Variants in TNS1 observed in about 807,000 individuals in gnomAD.
TNS1 encodes the protein tensin 1.
Under a neutral mutation model 168.6 loss-of-function variants are expected in TNS1, and 62 were observed. The observed-to-expected ratio is 0.37, with a 90% CI of 0.30 to 0.45. The LOEUF (loss-of-function observed/expected upper bound fraction) is 0.45, where lower values mean the gene tolerates loss of function less well. Among genes scored for constraint, TNS1 ranks in the 20% least tolerant of loss-of-function variants. The pLI is 1.00. For missense variants in TNS1, 2,240 were observed against 2,339.4 expected (o/e 0.96, Z 0.88); for synonymous variants, 934 against 933.2 (o/e 1.00, Z -0.02).
intron 2 of TNS1, among the ~76,000 whole-genome samples, chr2:217,989,483 T>C (rs1958294845): frequency 6.7e-6 from 1 of 150,366 alleles, no homozygotes; most frequent in Admixed American, 6.6e-5. Context: ...GACGTGGGGG[T>C]GAAGGAGAGG....
intron 3 of TNS1, among the ~76,000 whole-genome samples, chr2:217,946,516 C>T (rs560203596): frequency 6.6e-6 from 1 of 152,336 alleles, no homozygotes; most frequent in South Asian, 2.1e-4. Flanking sequence ...ATGCTTAATA[C>T]AGCACTAGGC....
chr2:218,019,336 C>T (rs928314105), intron 1 of TNS1, among the ~76,000 whole-genome samples: 3 of 152,192 alleles, frequency 2.0e-5, no homozygotes, highest in Admixed American at 2.0e-4. Flanking sequence ...TGCTGACATG[C>T]AAACTGGATG....
At chr2:217,909,227 C>T (rs56703203) in intron 4 of TNS1, among the ~76,000 whole-genome samples, 10,405 of 152,122 alleles carry the variant, frequency 0.068, 797 homozygotes, top group African/African-American at 0.2. Flanking sequence ...CCAGCTGCCT[C>T]GTCTCAGAGC....
intron 18 of TNS1, among the ~76,000 whole-genome samples, chr2:217,863,606 A>G (rs1297471006): frequency 6.6e-6 from 1 of 152,160 alleles, no homozygotes; most frequent in Non-Finnish European, 1.5e-5. Context: ...TTTCAACCCC[A>G]TCTGGGCCAC....
intron 6 of TNS1, chr2:217,902,045 C>G (rs886892088): frequency 6.6e-6 from 1 of 152,124 alleles, no homozygotes; most frequent in African/African-American, 2.4e-5. Flanking sequence ...CTCTTCTGGC[C>G]CTGAGGACTC....
intron 30 of TNS1, among the ~76,000 whole-genome samples, chr2:217,809,228 G>GTGC (rs1939943573): frequency 1.4e-5 from 1 of 73,636 alleles, no homozygotes; most frequent in Non-Finnish European, 2.8e-5. Context: ...TGGATGGATG[G>GTGC]ATGGATGGAT....
rs536029294 is a variant in TNS1, at chr2:217,830,269, G to A, written c.3373+1186C>T. The A allele has an allele frequency of 3.9e-5, 58 of 1,490,210 alleles. 1 individual carries two copies. The highest frequency in any genetic ancestry group is 2.1e-4 in the South Asian group (18 of 83,996). The allele number at this position is 1,490,210 out of a possible 1,614,324, so 92.3% of individuals were successfully genotyped here. ...CCCAGCCCCCTTCTACTGATCCCCC[G>A]TGGCTCAGTGTCCCTGGCCATGCCG... On this transcript the variant is annotated intron_variant, in intron 22 of 32. Coordinates refer to ENST00000682258, the MANE Select transcript of TNS1 (RefSeq NM_001387777.1).
intron 3 of TNS1, among the ~76,000 whole-genome samples, chr2:217,959,800 G>A (rs562897276): frequency 1.3e-5 from 2 of 152,130 alleles, no homozygotes; most frequent in East Asian, 3.9e-4. Context: ...CACAGAGGCA[G>A]CTGGACGCCT....
chr2:217,968,098 A>T (rs1051122586), intron 3 of TNS1, among the ~76,000 whole-genome samples: 8 of 152,228 alleles, frequency 5.3e-5, no homozygotes, highest in Non-Finnish European at 1.0e-4. Context: ...ACACCATTTC[A>T]TGATTTCAAA....
At chr2:217,884,477 CT>C (rs1951003721) in intron 16 of TNS1, among the ~76,000 whole-genome samples, 1 of 152,098 alleles carries the variant, frequency 6.6e-6, no homozygotes, top group Admixed American at 6.5e-5. Context: ...AACACCAAAC[CT>C]TTCCCAACCA....
chr2:217,858,326 G>A (rs1351997890), intron 18 of TNS1, among the ~76,000 whole-genome samples: 1 of 152,058 alleles, frequency 6.6e-6, no homozygotes, highest in Non-Finnish European at 1.5e-5. Context: ...CAGCAGCACA[G>A]CGGGCCACAG....
intron 19 of TNS1, among the ~76,000 whole-genome samples, chr2:217,837,316 G>A (rs1227154392): frequency 2.6e-5 from 4 of 152,204 alleles, no homozygotes; most frequent in Non-Finnish European, 5.9e-5. Flanking sequence ...CATCCACAGT[G>A]AGGACTGCAT....
chr2:217,937,548 G>A (rs1040540747), intron 3 of TNS1, among the ~76,000 whole-genome samples: 26 of 152,082 alleles, frequency 1.7e-4, no homozygotes, highest in Non-Finnish European at 2.9e-4. Flanking sequence ...CGGTGATTAG[G>A]GCCCTAATCA....
chr2:218,005,909 C>A (rs1279136410), upstream of TNS1, among the ~76,000 whole-genome samples: 2 of 152,214 alleles, frequency 1.3e-5, no homozygotes, highest in African/African-American at 4.8e-5. Flanking sequence ...CAAGCTCTAG[C>A]CAGCTGCAGA....
chr2:217,858,671 T>TACACACACACACACACACACACACACAC (rs60953913), intron 18 of TNS1: 18 of 149,168 alleles, frequency 1.2e-4, no homozygotes, highest in African/African-American at 6.3e-4. Context: ...CCTGCCCATG[T>TACACACACACACACACACACACACACAC]ACACACACAC....
chr2:218,009,143 C>T (rs1958684017), intron 1 of TNS1, among the ~76,000 whole-genome samples: 1 of 152,196 alleles, frequency 6.6e-6, no homozygotes, highest in African/African-American at 2.4e-5. Flanking sequence ...ACTTCCCCCT[C>T]CCGTGTGACA....
chr2:217,841,849 T>C (rs895667051), intron 19 of TNS1, among the ~76,000 whole-genome samples: 4 of 152,192 alleles, frequency 2.6e-5, no homozygotes, highest in Admixed American at 6.5e-5. Context: ...GGGGAACCCC[T>C]TGTGCTTTTC....
intron 3 of TNS1, among the ~76,000 whole-genome samples, chr2:217,950,474 C>T (rs1367731369): frequency 6.6e-6 from 1 of 152,076 alleles, no homozygotes; most frequent in Non-Finnish European, 1.5e-5. Flanking sequence ...AGCGTGCTGG[C>T]CACACCCCGA....
At chr2:217,876,775 G>A (rs1950240910) in intron 18 of TNS1, among the ~76,000 whole-genome samples, 3 of 152,120 alleles carry the variant, frequency 2.0e-5, no homozygotes, top group South Asian at 4.1e-4. Flanking sequence ...CAAGCAGGGG[G>A]AAGATGATGT....
Sources: gnomAD v4.1 joint callset for allele counts (sites outside exome capture counted in the v4.1 genomes callset) on GRCh38, gnomAD v4.1.1 for gene constraint, MANE v1.5 for transcripts, NCBI Gene and HGNC (gene_info 2026-07-23, HGNC 2026-07-21) for gene names.